The following ZNF208 variants were observed in gnomAD, a reference collection of about 807,000 sequenced individuals.
ZNF208 encodes zinc finger protein 208, also known as zinc finger protein 95.
ZNF208 carries 10 observed loss-of-function variants against 12.1 expected under a neutral mutation model. The ratio of observed to expected loss-of-function variants is 0.83; its 90% confidence interval spans 0.51 to 1.40. ZNF208 has a LOEUF of 1.40. Among genes scored for constraint, ZNF208 ranks in the 40% most tolerant of loss-of-function variants. The probability of loss-of-function intolerance (pLI) is 0.00; values close to 1 mark genes in which losing one functional copy is unlikely to be tolerated. For synonymous variants in ZNF208, 497 were observed against 488.4 expected (o/e 1.02, Z -0.23); for missense variants, 1,652 against 1,485.0 (o/e 1.11, Z -1.85).
At position 21,972,507 on chromosome 19, in the gene ZNF208, T is replaced by C. The variant is rs1017828434; in HGVS notation, c.2527A>G (p.Ser843Gly). 13 of 1,613,156 alleles carry C rather than the reference T, an allele frequency of 8.1e-6. No homozygotes were observed. The highest frequency in any genetic ancestry group is 1.1e-5 in the Non-Finnish European group (13 of 1,179,852). Residue 843 changes from serine (S) to glycine (G), a missense_variant, in exon 4 of 4, where the codon AGT (serine) becomes GGT (glycine). Transcript: ENST00000397126. ...YKCKECGKAF[S>G]KFSILTKHKV... The stretch of plus-strand genomic sequence containing the variant: ...TGTTTAGTAAGGATTGAGAACTTAC[T>C]AAAGGCTTTGCCACATTCTTTACAT...
chr19:22,002,569 G>T (rs922019915), intron 1 of ZNF208, among the ~76,000 whole-genome samples: 11 of 151,570 alleles, frequency 7.3e-5, no homozygotes, highest in Non-Finnish European at 8.8e-5. Context: ...GGCCAAATCC[G>T]AATCGAAAAC....
At chr19:21,941,828 T>C (rs1969747073) in intron 4 of ZNF208, among the ~76,000 whole-genome samples, 1 of 152,206 alleles carries the variant, frequency 6.6e-6, no homozygotes, top group Non-Finnish European at 1.5e-5. Context: ...AAAACATTTG[T>C]TTTTTAAAAG....
At chr19:22,008,723 T>C (rs1971092733) in intron 1 of ZNF208, among the ~76,000 whole-genome samples, 1 of 152,144 alleles carries the variant, frequency 6.6e-6, no homozygotes, top group Admixed American at 6.5e-5. Context: ...AAATGGAAGC[T>C]GCGTTGGGTA....
chr19:21,980,434 T>G (rs183816276), intron 3 of ZNF208, among the ~76,000 whole-genome samples: 22 of 152,246 alleles, frequency 1.4e-4, no homozygotes, highest in African/African-American at 4.6e-4. Context: ...ACTGTACAAC[T>G]ACATGGAAAC....
In ZNF208 at chr19:21,968,542, T is replaced by C. The variant is rs1367135738; in HGVS notation, c.*2649A>G. The C allele has an allele frequency of 2.0e-5, 3 of 152,124 alleles. No individual in the cohort carries two copies. Among genetic ancestry groups the C allele is most frequent in the Non-Finnish European group, 4.4e-5 (3 of 68,010 alleles). 9.4% of individuals were successfully genotyped at this position (152,124 alleles called of 1,614,324 possible). On this transcript the variant is annotated 3_prime_UTR_variant, in exon 4 of 4. Coordinates refer to ENST00000397126, the MANE Select transcript of ZNF208 (RefSeq NM_007153.3). ...CTTCATATATATGGAAAAGCTCACA[T>C]TAATGTAGCAAAATAACTTTCTGAT...
chr19:21,990,011 A>C (rs1426899259), intron 1 of ZNF208, among the ~76,000 whole-genome samples: 3 of 151,908 alleles, frequency 2.0e-5, no homozygotes, highest in Admixed American at 2.0e-4. Context: ...AGTTTGCGAA[A>C]ATTTTCTCCT....
In ZNF208 at chr19:21,971,022, T is replaced by C. The variant is rs1384814065; in HGVS notation, c.*169A>G. 2.0e-5 allele frequency among the ~76,000 whole-genome samples: 3 copies of C among 152,066 alleles called. No homozygotes were observed. The highest frequency in any genetic ancestry group is 7.2e-5 in the African/African-American group (3 of 41,426). On this transcript the variant is annotated 3_prime_UTR_variant, in exon 4 of 4. Transcript: ENST00000397126. ...AAGCCTTTACCACATTCTTCACATT[T>C]GTAGGGTGTCTCTCCAGTATGAATT...
At chr19:21,962,604 A>C (rs1436383812), downstream of ZNF208, among the ~76,000 whole-genome samples, 1 of 152,084 alleles carries the variant, frequency 6.6e-6, no homozygotes, top group Non-Finnish European at 1.5e-5. Context: ...AAGAGATGCA[A>C]AGAAGACACA....
At chr19:21,988,650 C>T in intron 2 of ZNF208, 133 bp downstream of exon 2, 2 of 1,557,836 alleles carry the variant, frequency 1.3e-6, no homozygotes, top group South Asian at 1.2e-5. Flanking sequence ...GCCCCTGACC[C>T]CTTCTTCCAA....
At chr19:21,987,116 T>A in intron 3 of ZNF208, 100 bp downstream of exon 3, 1 of 1,266,802 alleles carries the variant, frequency 7.9e-7, no homozygotes, top group Admixed American at 2.7e-5. Flanking sequence ...CTCCAGAAAC[T>A]ACTTCTTTTG....
Position 21,972,572 on chromosome 19 carries a change from G to C in ZNF208, c.2462C>G (p.Thr821Ser). The C allele has an allele frequency of 6.8e-6, 11 of 1,612,496 alleles. No homozygotes were observed. Among genetic ancestry groups the C allele is most frequent in the Admixed American group, 1.7e-5 (1 of 59,800 alleles). ...GKTFSKVSTL[T>S]THKAIHAGEK... ...TCCAGCATGAATTGCCTTATGTGTA[G>C]TAAGGGTTGAGACCTTACTAAAGGT... Residue 821 changes from threonine (T) to serine (S), a missense_variant, in exon 4 of 4, where the codon ACT becomes AGT. By Grantham distance (58) the Thr-to-Ser change is moderately conservative. This residue lies in a region of ZNF208 where 1,239 missense variants were observed against 1,086.2 expected (regional missense o/e 1.14). Transcript: ENST00000397126.
downstream of ZNF208, chr19:21,966,037 T>G (rs1203102978): frequency 6.6e-6 from 1 of 152,024 alleles, no homozygotes; most frequent in African/African-American, 2.4e-5. Flanking sequence ...GGTGAAAAAT[T>G]TGTCTTTCAC....
At chr19:21,955,196 A>C in intron 4 of ZNF208, among the ~76,000 whole-genome samples, 1 of 150,442 alleles carries the variant, frequency 6.6e-6, no homozygotes, top group Admixed American at 6.6e-5. Context: ...TGCTGAGATC[A>C]GCTGTTAGCC....
chr19:21,952,333 A>G (rs1292637381), intron 4 of ZNF208, among the ~76,000 whole-genome samples: 2 of 152,222 alleles, frequency 1.3e-5, no homozygotes, highest in Non-Finnish European at 2.9e-5. Context: ...CTGAGAATGG[A>G]CAGACTACCT....
chr19:21,993,835 G>GAA (rs199539543), intron 1 of ZNF208, among the ~76,000 whole-genome samples: 7 of 146,714 alleles, frequency 4.8e-5, no homozygotes, highest in Admixed American at 1.4e-4. Flanking sequence ...GTTTGCAGAG[G>GAA]AAAAAAAAAA....
chr19:21,961,535 G>A (rs191199182), downstream of ZNF208, among the ~76,000 whole-genome samples: 75 of 152,218 alleles, frequency 4.9e-4, no homozygotes, highest in African/African-American at 1.8e-3. Flanking sequence ...GAACCAGTCT[G>A]ACCACAAATT....
rs1348908120 is a variant in ZNF208 at position 21,968,193 on chromosome 19, ACTTT to A, written c.*2994_*2997del. The stretch of plus-strand genomic sequence containing the variant: ...TTCTTTCATCAGTAAAGATAATTTG[ACTTT>A]CTTTGTTTTCTGTTTGGATTCCTTT... On this transcript the variant is annotated 3_prime_UTR_variant, in exon 4 of 4. Coordinates refer to ENST00000397126, the MANE Select transcript of ZNF208 (RefSeq NM_007153.3). 2 of 151,918 alleles carry A rather than the reference ACTTT, an allele frequency of 1.3e-5. No homozygotes were observed. Among genetic ancestry groups the A allele is most frequent in the South Asian group, 4.2e-4 (2 of 4,808 alleles). The allele number at this position is 151,918 out of a possible 1,614,324, so 9.4% of individuals were successfully genotyped here. A position where few individuals can be genotyped will look rare whatever the true frequency, so the allele number is the denominator to read the frequency against.
At chr19:21,941,017 C>G in intron 4 of ZNF208, 2 of 221,632 alleles carry the variant, frequency 9.0e-6, no homozygotes, top group Admixed American at 1.2e-4. Context: ...CTGTGCTCAG[C>G]TGGGTCACGA....
At chr19:21,989,049 A>C in intron 1 of ZNF208, 140 bp from the exon 2 acceptor site, 8 of 1,176,354 alleles carry the variant, frequency 6.8e-6, no homozygotes, top group Middle Eastern at 2.0e-4. Context: ...ATAATTTTTA[A>C]CACAAATATT....
Sources: allele counts gnomAD v4.1 joint callset (sites outside exome capture counted in the v4.1 genomes callset), GRCh38; gene constraint gnomAD v4.1.1; regional missense constraint gnomAD v4.1.1; transcripts MANE v1.5; gene names NCBI Gene and HGNC (gene_info 2026-07-23, HGNC 2026-07-21).